Variants in SPAG16 observed in about 807,000 individuals in gnomAD.
SPAG16 encodes sperm-associated antigen 16 protein.
SPAG16 carries 86 observed loss-of-function variants against 80.4 expected under a neutral mutation model. The observed-to-expected ratio is 1.07, with a 90% CI of 0.90 to 1.28. The LOEUF is 1.28. SPAG16 is among the 50% of genes most tolerant of loss of function. SPAG16 has a pLI of 0.00. For missense variants in SPAG16, 870 were observed against 765.3 expected (o/e 1.14, Z -1.61); for synonymous variants, 294 against 265.9 (o/e 1.11, Z -1.03).
intron 15 of SPAG16, among the ~76,000 whole-genome samples, chr2:214,250,644 T>A (rs1017603069): frequency 6.9e-6 from 1 of 144,704 alleles, no homozygotes; most frequent in African/African-American, 2.5e-5. Context: ...AATATTTATA[T>A]ATTTCTATTT....
Position 213,335,686 on chromosome 2 carries a change from C to T in SPAG16, c.537-4477C>T, listed in dbSNP as rs560343260. Among the ~76,000 whole-genome samples, 311 of 151,956 alleles carry T rather than the reference C, an allele frequency of 2.0e-3. 2 individuals are homozygous for T. The highest frequency in any genetic ancestry group is 7.3e-3 in the African/African-American group (303 of 41,438). On this transcript the variant is annotated intron_variant, in intron 5 of 15. Coordinates refer to ENST00000331683, the MANE Select transcript of SPAG16 (RefSeq NM_024532.5). ...AGATGATTTTTCAAGACTGAATGTT[C>T]GAATCAATAATTTCTTGCACGTATA... is the stretch of plus-strand genomic sequence containing the variant.
chr2:213,487,345 A>G (rs2074028205), intron 9 of SPAG16, among the ~76,000 whole-genome samples: 1 of 152,042 alleles, frequency 6.6e-6, no homozygotes, highest in Non-Finnish European at 1.5e-5. Flanking sequence ...TTGTCAATAC[A>G]AAAAAAGGTT....
intron 13 of SPAG16, among the ~76,000 whole-genome samples, chr2:214,102,609 C>T (rs1383322897): frequency 1.3e-5 from 2 of 151,972 alleles, no homozygotes. Flanking sequence ...TGGATATTTT[C>T]TAAGGGCCAG....
intron 10 of SPAG16, among the ~76,000 whole-genome samples, chr2:213,513,018 A>C (rs1221891833): frequency 6.6e-6 from 1 of 152,136 alleles, no homozygotes; most frequent in Non-Finnish European, 1.5e-5. Flanking sequence ...AGATTCATTA[A>C]TGGAGTCTGG....
At chr2:213,610,804 T>G (rs1054741372) in intron 10 of SPAG16, among the ~76,000 whole-genome samples, 2 of 152,206 alleles carry the variant, frequency 1.3e-5, no homozygotes, top group African/African-American at 4.8e-5. Context: ...TGTGCTCTGT[T>G]ACAAGGTTTT....
chr2:214,027,201 G>A (rs902417570), intron 13 of SPAG16, among the ~76,000 whole-genome samples: 1 of 151,358 alleles, frequency 6.6e-6, no homozygotes, highest in African/African-American at 2.4e-5. Flanking sequence ...TAGATAAGAT[G>A]TACATTCAAA....
chr2:213,475,060 G>A (rs2073300025), intron 9 of SPAG16, among the ~76,000 whole-genome samples: 1 of 152,218 alleles, frequency 6.6e-6, no homozygotes, highest in African/African-American at 2.4e-5. Context: ...ACTATATGAG[G>A]TACAAAGCTC....
At chr2:214,066,005 T>C (rs550583511) in intron 13 of SPAG16, among the ~76,000 whole-genome samples, 5 of 152,360 alleles carry the variant, frequency 3.3e-5, no homozygotes, top group African/African-American at 1.2e-4. Flanking sequence ...GATTATCATC[T>C]GTTCTAGAAC....
chr2:213,513,748 TG>T (rs1357841788), intron 10 of SPAG16, among the ~76,000 whole-genome samples: 1 of 152,232 alleles, frequency 6.6e-6, no homozygotes, highest in African/African-American at 2.4e-5. Flanking sequence ...ATACTTAAGC[TG>T]GTCCCCTTCA....
chr2:213,300,884 T>G (rs1376128402), intron 3 of SPAG16, among the ~76,000 whole-genome samples: 1 of 152,138 alleles, frequency 6.6e-6, no homozygotes, highest in Non-Finnish European at 1.5e-5. Context: ...AATTCTATTC[T>G]CAGAAATTTT....
At chr2:213,900,490 CG>C (rs1342951416) in intron 11 of SPAG16, among the ~76,000 whole-genome samples, 2 of 152,030 alleles carry the variant, frequency 1.3e-5, no homozygotes, top group Admixed American at 6.6e-5. Flanking sequence ...TGCAACAAAC[CG>C]GGTCTTCATC....
chr2:213,641,035 G>T (rs1252558772), intron 10 of SPAG16, among the ~76,000 whole-genome samples: 1 of 152,128 alleles, frequency 6.6e-6, no homozygotes, highest in African/African-American at 2.4e-5. Context: ...AGCTACCAGG[G>T]TTTGTAGAGA....
chr2:213,625,198 G>A (rs1453864952), intron 10 of SPAG16, among the ~76,000 whole-genome samples: 1 of 152,124 alleles, frequency 6.6e-6, no homozygotes, highest in Non-Finnish European at 1.5e-5. Flanking sequence ...TTGGGTAATT[G>A]ACAAAGAAAA....
chr2:214,399,290 A>G (rs557061097), intron 15 of SPAG16, among the ~76,000 whole-genome samples: 5 of 152,126 alleles, frequency 3.3e-5, no homozygotes, highest in Non-Finnish European at 7.4e-5. Context: ...ATCCATCTCA[A>G]TTATAATTCT....
chr2:213,871,193 A>G (rs1305401777), intron 11 of SPAG16, among the ~76,000 whole-genome samples: 1 of 152,182 alleles, frequency 6.6e-6, no homozygotes, highest in Non-Finnish European at 1.5e-5. Flanking sequence ...TATTACACCA[A>G]GAATAAATTT....
At chr2:214,156,443 G>A (rs549626647) in intron 15 of SPAG16, among the ~76,000 whole-genome samples, 42 of 152,238 alleles carry the variant, frequency 2.8e-4, no homozygotes, top group African/African-American at 9.9e-4. Context: ...TTAAGGCCTG[G>A]TCTGCTTAAA....
At chr2:213,330,244 G>A (rs13387481) in intron 5 of SPAG16, among the ~76,000 whole-genome samples, 32,733 of 151,564 alleles carry the variant, frequency 0.22, 4,388 homozygotes, top group Non-Finnish European at 0.31. Context: ...TGGATCCACC[G>A]ACAGCTTGCA....
intron 1 of SPAG16, 75 bp downstream of exon 1, chr2:213,284,694 C>CT (rs778236306): frequency 4.7e-6 from 7 of 1,503,942 alleles, no homozygotes; most frequent in Non-Finnish European, 2.7e-6. Context: ...GGGCCTCCCA[C>CT]TGGCGGCGCC....
At chr2:213,764,698 A>G (rs2125533070) in intron 10 of SPAG16, among the ~76,000 whole-genome samples, 1 of 152,290 alleles carries the variant, frequency 6.6e-6, no homozygotes, top group South Asian at 2.1e-4. Flanking sequence ...ACATGATATT[A>G]TTCCCCAAAA....
Sources: allele counts gnomAD v4.1 joint callset (sites outside exome capture counted in the v4.1 genomes callset), GRCh38; gene constraint gnomAD v4.1.1; transcripts MANE v1.5; gene names NCBI Gene and HGNC (gene_info 2026-07-23, HGNC 2026-07-21).